The following SDK1 variants were observed in gnomAD, a reference collection of about 807,000 sequenced individuals.
The protein encoded by SDK1 is sidekick cell adhesion molecule 1, also known as protein sidekick-1.
Under a neutral mutation model 245.5 loss-of-function variants are expected in SDK1, and 157 were observed. The ratio of observed to expected loss-of-function variants is 0.64; its 90% CI spans 0.56 to 0.73. SDK1 has a LOEUF of 0.73. Ranked by LOEUF, SDK1 falls within the 30% of genes least tolerant of loss-of-function variation. SDK1 has a pLI of 0.00. For missense variants in SDK1, 3,583 were observed against 3,002.3 expected, an observed-to-expected ratio of 1.19 and a Z score of -4.52; for synonymous variants, 1,647 against 1,278.5, an observed-to-expected ratio of 1.29 and a Z score of -6.15.
At chr7:3,996,013 T>C (rs547418580) in intron 14 of SDK1, among the ~76,000 whole-genome samples, 4 of 152,326 alleles carry the variant, frequency 2.6e-5, no homozygotes, top group East Asian at 1.9e-4. Context: ...AGTATTCTTA[T>C]AGGTTTTTGC....
At chr7:4,264,864 A>T (rs1020226812) in intron 44 of SDK1, among the ~76,000 whole-genome samples, 2 of 152,042 alleles carry the variant, frequency 1.3e-5, no homozygotes, top group Admixed American at 6.6e-5. Flanking sequence ...CTTCTCGGAA[A>T]CCTGGTACAG....
At chr7:4,100,260 A>G (rs1193236643) in intron 22 of SDK1, among the ~76,000 whole-genome samples, 1 of 152,128 alleles carries the variant, frequency 6.6e-6, no homozygotes, top group Non-Finnish European at 1.5e-5. Context: ...CAGCTCAGAC[A>G]CGGCCCTGGG....
chr7:3,389,488 C>A (rs1238573525), intron 1 of SDK1, among the ~76,000 whole-genome samples: 2 of 152,164 alleles, frequency 1.3e-5, no homozygotes, highest in African/African-American at 4.8e-5. Flanking sequence ...TCTACCATCA[C>A]CTTCACTGTC....
chr7:4,003,248 C>T (rs1785207974), intron 14 of SDK1, among the ~76,000 whole-genome samples: 1 of 152,240 alleles, frequency 6.6e-6, no homozygotes, highest in South Asian at 2.1e-4. Context: ...ACCTGCCCCT[C>T]CCCTGCCTGC....
At chr7:3,893,691 C>T (rs1035052145) in intron 5 of SDK1, among the ~76,000 whole-genome samples, 1 of 151,272 alleles carries the variant, frequency 6.6e-6, no homozygotes, top group Admixed American at 6.6e-5. Flanking sequence ...ATTATCCCAG[C>T]CACGATGGCA....
At chr7:3,378,211 T>C (rs957077875) in intron 1 of SDK1, among the ~76,000 whole-genome samples, 4 of 152,216 alleles carry the variant, frequency 2.6e-5, no homozygotes, top group African/African-American at 9.7e-5. Flanking sequence ...TTGTTCTGTC[T>C]TCCAAGAGTC....
intron 17 of SDK1, 133 bp from the exon 18 acceptor site, chr7:4,049,215 A>G: frequency 1.6e-6 from 1 of 639,784 alleles, no homozygotes; most frequent in Non-Finnish European, 2.8e-6. Context: ...CAAAACATTC[A>G]TCACACTTCC....
intron 1 of SDK1, among the ~76,000 whole-genome samples, chr7:3,440,797 G>T (rs1040104128): frequency 5.3e-5 from 8 of 152,152 alleles, no homozygotes; most frequent in African/African-American, 1.9e-4. Flanking sequence ...ACCTCAAACT[G>T]CAAAAGTTAT....
intron 13 of SDK1, among the ~76,000 whole-genome samples, chr7:3,977,414 G>A (rs1264818226): frequency 9.2e-6 from 1 of 108,576 alleles, no homozygotes; most frequent in Non-Finnish European, 2.3e-5. Context: ...TCCCGGGGCT[G>A]AGGCTGCCAC....
At chr7:3,712,739 A>G (rs1785085379) in intron 4 of SDK1, among the ~76,000 whole-genome samples, 1 of 152,192 alleles carries the variant, frequency 6.6e-6, no homozygotes, top group African/African-American at 2.4e-5. Flanking sequence ...TGGGTACAAG[A>G]GTATACCTGT....
chr7:3,729,387 G>A lies in SDK1; in HGVS notation c.713+87282G>A, dbSNP rs76135815. On this transcript the variant is annotated intron_variant, in intron 4 of 44. Transcript: ENST00000404826. Reference sequence around the variant, plus strand: ...ACAGTAGCCTAGACTATTGGTCGAGGGGGAGGATTTATCCCTTAGGAAACA... The same window carrying A: ...ACAGTAGCCTAGACTATTGGTCGAGAGGGAGGATTTATCCCTTAGGAAACA... 9.2e-3 allele frequency among the ~76,000 whole-genome samples: 1,404 copies of A among 152,298 alleles called. 16 individuals carry two copies. The highest frequency in any genetic ancestry group is 0.024 in the Middle Eastern group (7 of 294).
intron 22 of SDK1, among the ~76,000 whole-genome samples, chr7:4,097,268 C>T (rs28524749): frequency 0.085 from 12,938 of 151,858 alleles, 1,454 homozygotes; most frequent in African/African-American, 0.26. Context: ...AGCTCCTGTA[C>T]GGCCAGGGGC....
intron 13 of SDK1, among the ~76,000 whole-genome samples, chr7:3,980,997 A>G (rs1427600727): frequency 1.3e-5 from 2 of 152,098 alleles, no homozygotes; most frequent in Admixed American, 6.6e-5. Context: ...AAGGCACGCC[A>G]TCTTCTATTG....
intron 1 of SDK1, among the ~76,000 whole-genome samples, chr7:3,531,338 G>A (rs1277438248): frequency 6.6e-6 from 1 of 152,030 alleles, no homozygotes; most frequent in Non-Finnish European, 1.5e-5. Context: ...CGCTTATTTC[G>A]ACTTAGGTTA....
At chr7:3,439,998 G>A (rs1033329551) in intron 1 of SDK1, among the ~76,000 whole-genome samples, 1 of 152,128 alleles carries the variant, frequency 6.6e-6, no homozygotes, top group Non-Finnish European at 1.5e-5. Flanking sequence ...AAATATTTAA[G>A]ATATATAATT....
At chr7:4,125,462 G>A (rs1014919950) in intron 25 of SDK1, among the ~76,000 whole-genome samples, 2 of 151,594 alleles carry the variant, frequency 1.3e-5, no homozygotes, top group Non-Finnish European at 2.9e-5. Context: ...TGGATGAATG[G>A]ATGGATGGAT....
At chr7:3,345,238 C>T (rs1161982157) in intron 1 of SDK1, among the ~76,000 whole-genome samples, 1 of 152,118 alleles carries the variant, frequency 6.6e-6, no homozygotes, top group Non-Finnish European at 1.5e-5. Flanking sequence ...ATGCTGATAC[C>T]TATTTCCTGG....
At chr7:3,839,946 A>C (rs1780116944) in intron 5 of SDK1, among the ~76,000 whole-genome samples, 1 of 152,220 alleles carries the variant, frequency 6.6e-6, no homozygotes, top group South Asian at 2.1e-4. Flanking sequence ...AAAACTCTGA[A>C]TTGAAGGAGA....
chr7:3,485,052 A>G (rs1016712340), intron 1 of SDK1, among the ~76,000 whole-genome samples: 8 of 151,992 alleles, frequency 5.3e-5, no homozygotes. Context: ...TGGCAGTTCT[A>G]TTTTCCATTT....
Sources: gnomAD v4.1 joint callset for allele counts (sites outside exome capture counted in the v4.1 genomes callset) on GRCh38, gnomAD v4.1.1 for gene constraint, MANE v1.5 for transcripts, NCBI Gene and HGNC (gene_info 2026-07-23, HGNC 2026-07-21) for gene names.